Variants in ABI2 observed in about 807,000 individuals in gnomAD.
The protein encoded by ABI2 is abelson interactor 2.
In ABI2, 25 loss-of-function variants were observed where a neutral mutation model predicts 59.2. That is an observed-to-expected ratio of 0.42 (90% CI 0.31 to 0.59). The LOEUF is 0.59. Among genes scored for constraint, ABI2 ranks in the 20% least tolerant of loss-of-function variants. The probability of loss-of-function intolerance (pLI) is 0.14; values close to 1 mark genes in which losing one functional copy is unlikely to be tolerated. For missense variants in ABI2, 545 were observed against 681.8 expected, an observed-to-expected ratio of 0.80 and a Z score of 2.23; for synonymous variants, 213 against 235.5, an observed-to-expected ratio of 0.90 and a Z score of 0.87.
intron 11 of ABI2, among the ~76,000 whole-genome samples, chr2:203,422,438 G>C (rs1285936480): frequency 6.6e-6 from 1 of 152,162 alleles, no homozygotes; most frequent in Non-Finnish European, 1.5e-5. Context: ...GAGAGAAGTC[G>C]AGTGTTGGTA....
At chr2:203,397,000 G>A in intron 8 of ABI2, 33 bp downstream of exon 8, 1 of 1,363,400 alleles carries the variant, frequency 7.3e-7, no homozygotes, top group Non-Finnish European at 9.4e-7. Context: ...GCAGGCAGAT[G>A]CAGTCATCTG....
chr2:203,422,660 C>T (rs1169661209), intron 11 of ABI2, among the ~76,000 whole-genome samples: 2 of 151,884 alleles, frequency 1.3e-5, no homozygotes, highest in African/African-American at 4.8e-5. Context: ...GAACATTAGA[C>T]AAAGAACTGA....
intron 1 of ABI2, among the ~76,000 whole-genome samples, chr2:203,345,769 C>T (rs1559172738): frequency 6.6e-6 from 1 of 151,912 alleles, no homozygotes; most frequent in Non-Finnish European, 1.5e-5. Context: ...TGGTTTCAAA[C>T]TCCTGACCTC....
Position 203,396,889 on chromosome 2 carries a change from G to C in ABI2, c.955G>C (p.Ala319Pro), listed in dbSNP as rs1227082418. ...CCCTTCCTCCACTGCCCCAGACGCT[G>C]CTGCTGGGGGTGCCCAGACCCTTGC... ...TVPSSTAPDAAAGGAQTLADG... is the reference protein window; with the variant it reads ...TVPSSTAPDAPAGGAQTLADG... Residue 319 changes from alanine (A) to proline (P), a missense_variant, in exon 8 of 12, where the codon GCT (alanine) becomes CCT (proline). Ala to Pro is a conservative substitution (Grantham distance 27). Transcript: ENST00000261018. 4.6e-6 allele frequency: 7 copies of C among 1,533,870 alleles called. No homozygotes were observed. The highest frequency in any genetic ancestry group is 6.1e-6 in the Non-Finnish European group (7 of 1,146,202).
chr2:203,416,873 CAT>C (rs548786008), intron 10 of ABI2, 33 bp from the exon 11 acceptor site: 1 of 1,569,214 alleles, frequency 6.4e-7, no homozygotes. Flanking sequence ...CTTTGCATAA[CAT>C]ATAGTTTTGT....
intron 2 of ABI2, among the ~76,000 whole-genome samples, chr2:203,374,442 T>G (rs1341914565): frequency 7.1e-6 from 1 of 140,378 alleles, no homozygotes; most frequent in Admixed American, 8.0e-5. Flanking sequence ...GAGGTTGCAG[T>G]GAGCTGAGAT....
At chr2:203,410,587 T>C (rs1156267106) in intron 9 of ABI2, among the ~76,000 whole-genome samples, 2 of 152,230 alleles carry the variant, frequency 1.3e-5, no homozygotes, top group Non-Finnish European at 2.9e-5. Context: ...CCTGCACTTT[T>C]CTATACCATC....
At chr2:203,343,411 A>G (rs550120231) in intron 1 of ABI2, among the ~76,000 whole-genome samples, 4 of 152,334 alleles carry the variant, frequency 2.6e-5, no homozygotes, top group Admixed American at 6.5e-5. Flanking sequence ...TGGTACAAAC[A>G]TGTTATGTGC....
At chr2:203,357,166 A>C (rs1445454053) in intron 1 of ABI2, among the ~76,000 whole-genome samples, 1 of 152,216 alleles carries the variant, frequency 6.6e-6, no homozygotes, top group Non-Finnish European at 1.5e-5. Context: ...TATATAGTCC[A>C]GTCTAAAATG....
At position 203,395,448 on chromosome 2, in the gene ABI2, T is replaced by TATATATACACACAC. The variant is rs750379504; in HGVS notation, c.726-207_726-206insTATATACACACACA. On this transcript the variant is annotated intron_variant, in intron 6 of 11. Coordinates refer to ENST00000261018, the MANE Select transcript of ABI2 (RefSeq NM_001375670.1). Reference sequence around the variant, plus strand: ...TAATAAGTAAATATATATATATATATACACACACACACACACACACACACA... The same window carrying TATATATACACACAC: ...TAATAAGTAAATATATATATATATATATATATACACACACACACACACACACACACACACACACA... Among the ~76,000 whole-genome samples the TATATATACACACAC allele has an allele frequency of 4.8e-3, 559 of 115,274 alleles. 3 individuals carry two copies. The highest frequency in any genetic ancestry group is 0.013 in the African/African-American group (415 of 33,144). 75.6% of individuals were successfully genotyped at this position (115,274 alleles called of 152,430 possible).
At chr2:203,352,266 A>G (rs777271375) in intron 1 of ABI2, among the ~76,000 whole-genome samples, 9 of 152,186 alleles carry the variant, frequency 5.9e-5, no homozygotes, top group Non-Finnish European at 1.0e-4. Flanking sequence ...TCAAGGTTAC[A>G]GTGATAATAA....
chr2:203,360,953 C>T (rs1007052596), intron 1 of ABI2, among the ~76,000 whole-genome samples: 3 of 152,126 alleles, frequency 2.0e-5, no homozygotes, highest in African/African-American at 7.2e-5. Context: ...TCAAGGATGA[C>T]GTATGCTCTG....
chr2:203,416,947 C>G lies in ABI2; in HGVS notation c.1319C>G (p.Pro440Arg), dbSNP rs558535701. The G allele has an allele frequency of 1.9e-6, 3 of 1,613,662 alleles. No individual in the cohort carries two copies. The highest frequency in any genetic ancestry group is 4.5e-5 in the East Asian group (2 of 44,862). ...TPPPPPPVEE[P>R]VFDESPPPPP... ...CCTCCACCGCCACCTGTGGAAGAAC[C>G]AGTCTTTGATGAGTCTCCCCCACCT... The change falls in exon 11 of 12, where the codon CCA becomes CGA. Residue 440 changes from proline to arginine, a missense_variant. Transcript: ENST00000261018.
chr2:203,408,488 T>C (rs1046594374), intron 9 of ABI2, among the ~76,000 whole-genome samples: 2 of 151,812 alleles, frequency 1.3e-5, no homozygotes, highest in Non-Finnish European at 2.9e-5. Flanking sequence ...AAAACCACTA[T>C]GGCTTCAGAT....
chr2:203,345,144 C>G (rs564007620), intron 1 of ABI2, among the ~76,000 whole-genome samples: 1 of 152,196 alleles, frequency 6.6e-6, no homozygotes, highest in Non-Finnish European at 1.5e-5. Flanking sequence ...TCCGCACTAC[C>G]TTTATGAGTT....
At chr2:203,406,184 A>G (rs1483810305) in intron 9 of ABI2, among the ~76,000 whole-genome samples, 2 of 152,160 alleles carry the variant, frequency 1.3e-5, no homozygotes, top group African/African-American at 4.8e-5. Flanking sequence ...AATATGAAAC[A>G]CCTTGGTGGT....
intron 11 of ABI2, among the ~76,000 whole-genome samples, chr2:203,418,938 G>A (rs946030820): frequency 1.3e-5 from 2 of 152,044 alleles, no homozygotes; most frequent in African/African-American, 4.8e-5. Flanking sequence ...AAGATAATCA[G>A]AGGAAAAATG....
intron 1 of ABI2, among the ~76,000 whole-genome samples, chr2:203,351,200 T>A (rs2088106357): frequency 1.3e-5 from 2 of 152,216 alleles, no homozygotes; most frequent in South Asian, 4.1e-4. Context: ...TCCATTGATC[T>A]ATATGTCTAT....
intron 1 of ABI2, among the ~76,000 whole-genome samples, chr2:203,352,413 A>G (rs1038366192): frequency 5.9e-5 from 9 of 152,184 alleles, no homozygotes; most frequent in African/African-American, 2.2e-4. Context: ...AGGCATTGTT[A>G]TCAGAGGAGA....
Sources: gnomAD v4.1 joint callset for allele counts (sites outside exome capture counted in the v4.1 genomes callset) on GRCh38, gnomAD v4.1.1 for gene constraint, MANE v1.5 for transcripts, NCBI Gene and HGNC (gene_info 2026-07-23, HGNC 2026-07-21) for gene names.